CRTC1: variants seen among roughly 807,000 people sequenced by gnomAD.
CRTC1 encodes the protein CREB-regulated transcription coactivator 1.
CRTC1 carries 18 observed loss-of-function variants against 66.1 expected under a neutral mutation model. The ratio of observed to expected loss-of-function variants is 0.27; its 90% confidence interval spans 0.19 to 0.40. The LOEUF (loss-of-function observed/expected upper bound fraction) is 0.40. Among genes scored for constraint, CRTC1 ranks in the 10% least tolerant of loss-of-function variants. The probability of loss-of-function intolerance (pLI) is 1.00; values close to 1 mark genes in which losing one functional copy is unlikely to be tolerated. For synonymous variants in CRTC1, 416 were observed against 398.8 expected, an observed-to-expected ratio of 1.04 and a Z score of -0.51; for missense variants, 669 against 887.9, an observed-to-expected ratio of 0.75 and a Z score of 3.13.
chr19:18,782,270 C>CTT lies in CRTC1; in HGVS notation c.*4891_*4892dup, dbSNP rs1487475004. 4.5e-6 allele frequency: 1 copy of CTT among 223,232 alleles called. No homozygotes were observed. Among genetic ancestry groups the CTT allele is most frequent in the East Asian group, 6.6e-5 (1 of 15,234 alleles). 13.8% of individuals were successfully genotyped at this position (223,232 alleles called of 1,614,324 possible). A position where few individuals can be genotyped will look rare whatever the true frequency, so the allele number is the denominator to read the frequency against. On this transcript the variant is annotated 3_prime_UTR_variant, in exon 14 of 14. Coordinates refer to ENST00000321949, the MANE Select transcript of CRTC1 (RefSeq NM_015321.3). Reference sequence around the variant, plus strand: ...CCTGCCCCATCCTCTGGCAGGGCTGCTTTTGTCTTTGTACCTTTGCATCCT... The same window carrying CTT: ...CCTGCCCCATCCTCTGGCAGGGCTGCTTTTTTGTCTTTGTACCTTTGCATCCT...
intron 1 of CRTC1, among the ~76,000 whole-genome samples, chr19:18,742,432 C>G (rs1297628664): frequency 6.6e-6 from 1 of 152,230 alleles, no homozygotes; most frequent in Non-Finnish European, 1.5e-5. Context: ...GTCGGGATCA[C>G]AAGTCCCACG....
intron 1 of CRTC1, among the ~76,000 whole-genome samples, chr19:18,738,185 T>C (rs1041744452): frequency 6.6e-6 from 1 of 151,912 alleles, no homozygotes; most frequent in African/African-American, 2.4e-5. Flanking sequence ...GGCATGGTGG[T>C]TTGTGCCTGT....
intron 1 of CRTC1, among the ~76,000 whole-genome samples, chr19:18,713,568 G>GTGCCCCGCACCCTTAGGCGTCCTCCTCC (rs1462861624): frequency 3.3e-5 from 5 of 152,188 alleles, no homozygotes; most frequent in Non-Finnish European, 1.5e-5. Flanking sequence ...CGTCCTCCTC[G>GTGCCCCGCACCCTTAGGCGTCCTCCTCC]TGCCCCTCCT....
chr19:18,759,627 C>T (rs2054568537), intron 7 of CRTC1, 36 bp downstream of exon 7: 1 of 1,603,960 alleles, frequency 6.2e-7, no homozygotes, highest in Admixed American at 1.7e-5. Flanking sequence ...CACACTGCAT[C>T]TGCTGCGCTG....
At chr19:18,754,131 G>A (rs567869489) in intron 6 of CRTC1, among the ~76,000 whole-genome samples, 7 of 150,978 alleles carry the variant, frequency 4.6e-5, no homozygotes, top group Admixed American at 1.3e-4. Context: ...ATTAAAACCC[G>A]TTGCTGGTCA....
chr19:18,737,247 G>C (rs2054017094), intron 1 of CRTC1, among the ~76,000 whole-genome samples: 1 of 151,278 alleles, frequency 6.6e-6, no homozygotes, highest in East Asian at 1.9e-4. Flanking sequence ...GGGCTCTATA[G>C]AGGGGTCAGG....
intron 2 of CRTC1, among the ~76,000 whole-genome samples, chr19:18,745,309 C>T (rs1008341590): frequency 6.6e-6 from 1 of 152,198 alleles, no homozygotes; most frequent in Admixed American, 6.5e-5. Flanking sequence ...CTGGGCTCCA[C>T]AAGGAAGCCT....
Position 18,771,633 on chromosome 19 carries a change from C to A in CRTC1, c.1425+87C>A. On this transcript the variant is annotated intron_variant, in intron 11 of 13. Coordinates refer to ENST00000321949, the MANE Select transcript of CRTC1 (RefSeq NM_015321.3). This position sits in a 1 kb window ranked among gnomAD's most constrained non-coding sequence, Gnocchi z 4.6. ...GTGTTCCCTGCCCACTGTCTGTCCT[C>A]ATGCATCGCTCCTCATGCATGTCCT... 1 of 997,434 alleles carries A rather than the reference C, an allele frequency of 1.0e-6. No individual in the cohort carries two copies. Among genetic ancestry groups the A allele is most frequent in the Non-Finnish European group, 1.5e-6 (1 of 649,174 alleles). 61.8% of individuals were successfully genotyped at this position (997,434 alleles called of 1,614,324 possible).
At chr19:18,721,298 A>T (rs904179442) in intron 1 of CRTC1, among the ~76,000 whole-genome samples, 4 of 148,606 alleles carry the variant, frequency 2.7e-5, no homozygotes, top group Non-Finnish European at 5.9e-5. Context: ...GGTTCACGCC[A>T]TTCTCCTGCC....
chr19:18,731,705 C>T (rs372418293), intron 1 of CRTC1, among the ~76,000 whole-genome samples: 6 of 152,104 alleles, frequency 3.9e-5, no homozygotes, highest in African/African-American at 1.4e-4. Context: ...GCGTCCCCAG[C>T]CCGTGAACCC....
intron 1 of CRTC1, among the ~76,000 whole-genome samples, chr19:18,697,321 T>C (rs1437313613): frequency 2.0e-5 from 3 of 152,110 alleles, no homozygotes; most frequent in Admixed American, 2.0e-4. Context: ...CCTCGCTTCC[T>C]TCTGGGCGAG....
At position 18,687,746 on chromosome 19, in the gene CRTC1, G is replaced by A. The variant is rs116192797; in HGVS notation, c.126+3918G>A. On this transcript the variant is annotated intron_variant, in intron 1 of 13. Coordinates refer to ENST00000321949, the MANE Select transcript of CRTC1 (RefSeq NM_015321.3). Reference sequence around the variant, plus strand: ...ATGGCACCTGAGGTGTCTTGCTGCCGTGGAAGGCCAGTCAGCAGATGTTTG... The same window carrying A: ...ATGGCACCTGAGGTGTCTTGCTGCCATGGAAGGCCAGTCAGCAGATGTTTG... Among the ~76,000 whole-genome samples, 258 of 152,240 alleles carry A rather than the reference G, an allele frequency of 1.7e-3. 3 individuals carry two copies. Among genetic ancestry groups the A allele is most frequent in the African/African-American group, 5.6e-3 (234 of 41,524 alleles).
chr19:18,763,281 A>T lies in CRTC1; in HGVS notation c.887-2123A>T, dbSNP rs369057815. Reference sequence around the variant, plus strand: ...ACGCCTGGCTAATTTTTGTATTTTTAGTAGATACGGGGTTTCACCACATTG... The same window carrying T: ...ACGCCTGGCTAATTTTTGTATTTTTTGTAGATACGGGGTTTCACCACATTG... On this transcript the variant is annotated intron_variant, in intron 8 of 13. Coordinates refer to ENST00000321949, the MANE Select transcript of CRTC1 (RefSeq NM_015321.3). 4.6e-5 allele frequency among the ~76,000 whole-genome samples: 7 copies of T among 152,146 alleles called. No homozygotes were observed. The East Asian group carries it at 1.4e-3, about 29-fold the overall frequency.
At chr19:18,710,190 C>T (rs1333104063) in intron 1 of CRTC1, among the ~76,000 whole-genome samples, 1 of 152,162 alleles carries the variant, frequency 6.6e-6, no homozygotes, top group Non-Finnish European at 1.5e-5. Context: ...TTGTTTTCTG[C>T]ACAGCCCCAC....
chr19:18,752,839 C>T (rs1429939654), intron 5 of CRTC1, among the ~76,000 whole-genome samples: 2 of 151,576 alleles, frequency 1.3e-5, no homozygotes, highest in East Asian at 2.0e-4. Flanking sequence ...GATTTCGCCA[C>T]GTTGGCCAGG....
intron 1 of CRTC1, among the ~76,000 whole-genome samples, chr19:18,686,324 T>G (rs941327958): frequency 3.7e-4 from 56 of 152,236 alleles, no homozygotes; most frequent in African/African-American, 1.3e-3. Context: ...ATATTGTATT[T>G]GTTTATCCAT....
chr19:18,740,125 T>C (rs1462211898), intron 1 of CRTC1, among the ~76,000 whole-genome samples: 1 of 151,920 alleles, frequency 6.6e-6, no homozygotes, highest in Non-Finnish European at 1.5e-5. Flanking sequence ...TGGTGTTGCA[T>C]ACCTGTAATC....
intron 1 of CRTC1, among the ~76,000 whole-genome samples, chr19:18,711,201 G>A (rs577939000): frequency 1.8e-4 from 28 of 152,294 alleles, no homozygotes; most frequent in African/African-American, 6.3e-4. Context: ...CTCGGGGAGG[G>A]GCCTGGGAGG....
chr19:18,708,759 G>A (rs556673696), intron 1 of CRTC1, among the ~76,000 whole-genome samples: 4 of 152,324 alleles, frequency 2.6e-5, no homozygotes, highest in Admixed American at 1.3e-4. Flanking sequence ...TCCCACCGCC[G>A]TTCGGGACCC....
Sources: gnomAD v4.1 joint callset for allele counts (sites outside exome capture counted in the v4.1 genomes callset) on GRCh38, gnomAD v4.1.1 for gene constraint, Gnocchi (gnomAD v3.1) non-coding constraint, MANE v1.5 for transcripts, NCBI Gene and HGNC (gene_info 2026-07-23, HGNC 2026-07-21) for gene names.